The following RGS4 variants were observed in gnomAD, a reference collection of about 807,000 sequenced individuals.
RGS4 encodes schizophrenia disorder 9.
RGS4 carries 15 observed loss-of-function variants against 21.6 expected under a neutral mutation model. The observed-to-expected ratio is 0.69, with a 90% CI of 0.46 to 1.07. The LOEUF (loss-of-function observed/expected upper bound fraction) is 1.07, where lower values mean the gene tolerates loss of function less well. Ranked by LOEUF, RGS4 falls within the 50% of genes least tolerant of loss-of-function variation. The pLI, the probability that RGS4 is intolerant of heterozygous loss-of-function variation, is 0.00. For synonymous variants in RGS4, 94 were observed against 85.5 expected (o/e 1.10, Z -0.55); for missense variants, 237 against 239.0 (o/e 0.99, Z 0.06).
At chr1:163,069,559 A>C in intron 1 of RGS4, 31 bp downstream of exon 1, 2 of 1,578,328 alleles carry the variant, frequency 1.3e-6, no homozygotes, top group South Asian at 2.2e-5. Flanking sequence ...TAACCATATT[A>C]AACTTTTGGC....
intron 1 of RGS4, 52 bp downstream of exon 1, chr1:163,069,580 C>A: frequency 1.4e-6 from 2 of 1,448,230 alleles, no homozygotes; most frequent in South Asian, 1.2e-5. Context: ...TAGACTTTCT[C>A]AGTTATTTAC....
At chr1:163,071,985 T>TGCAGCA in intron 1 of RGS4, 3 of 986,634 alleles carry the variant, frequency 3.0e-6, no homozygotes, top group Non-Finnish European at 3.6e-6. Flanking sequence ...GAAGGTGGCG[T>TGCAGCA]GCAGCAAGGA....
intron 1 of RGS4, 34 bp from the exon 2 acceptor site, chr1:163,072,361 T>C (rs1185274011): frequency 6.8e-7 from 1 of 1,464,126 alleles, no homozygotes; most frequent in Non-Finnish European, 9.5e-7. Context: ...AAGCTGGTTA[T>C]TACTATTTAT....
At chr1:163,073,996 G>A in intron 4 of RGS4, 1 of 389,302 alleles carries the variant, frequency 2.6e-6, no homozygotes, top group Non-Finnish European at 4.6e-6. Flanking sequence ...TCATAATCTT[G>A]ACAACCCCAA....
At chr1:163,070,474 AT>A (rs931650120) in intron 1 of RGS4, 6 of 152,136 alleles carry the variant, frequency 3.9e-5, no homozygotes, top group African/African-American at 1.2e-4. Context: ...AGAAAACATA[AT>A]TTTTTATGTA....
intron 1 of RGS4, 142 bp from the exon 2 acceptor site, chr1:163,072,253 G>C (rs1005002235): frequency 9.7e-5 from 85 of 877,952 alleles, no homozygotes; most frequent in African/African-American, 6.9e-5. Context: ...GTTTTCCTCA[G>C]AGGTCATGCC....
upstream of RGS4, chr1:163,069,280 A>T: frequency 6.4e-7 from 1 of 1,551,002 alleles, no homozygotes. Context: ...GAGACAGAGG[A>T]GCTGGTACTG....
At position 163,074,316 on chromosome 1, in the gene RGS4, C is replaced by G. The variant is rs889615079; in HGVS notation, c.379-5C>G. The G allele has an allele frequency of 6.2e-7, 1 of 1,613,644 alleles. No homozygotes were observed. The highest frequency in any genetic ancestry group is 2.2e-5 in the East Asian group (1 of 44,864). ...TCTAATGAAGCCTTGGCCTTTGCCC[C>G]TCAGGTGAACCTGGATTCTTGCACC... On this transcript the variant is annotated splice_region_variant and splice_polypyrimidine_tract_variant and intron_variant, in intron 4 of 4. Coordinates refer to ENST00000367909, the MANE Select transcript of RGS4 (RefSeq NM_005613.6).
chr1:163,074,405 A>C lies in RGS4; in HGVS notation c.463A>C (p.Lys155Gln), dbSNP rs765020745. 1.9e-6 allele frequency: 3 copies of C among 1,613,908 alleles called. No homozygotes were observed. The highest frequency in any genetic ancestry group is 1.7e-6 in the Non-Finnish European group (2 of 1,179,860). ...TITCFDEAQK[K>Q]IFNLMEKDSY... ...AACCTGCTTTGATGAGGCCCAGAAG[A>C]AGATTTTCAACCTGATGGAGAAGGA... The change falls in exon 5 of 5, where the codon AAG becomes CAG. Residue 155 changes from lysine to glutamine, a missense_variant. Transcript: ENST00000367909.
chr1:163,074,827 G>T lies in RGS4; in HGVS notation c.*267G>T. On this transcript the variant is annotated 3_prime_UTR_variant, in exon 5 of 5. Coordinates refer to ENST00000367909, the MANE Select transcript of RGS4 (RefSeq NM_005613.6). Reference sequence around the variant, plus strand: ...GGAGCAAATATCTAAATAATGGCCTGGTAGGTCTGGATTTTCAAAGATTGT... The same window carrying T: ...GGAGCAAATATCTAAATAATGGCCTTGTAGGTCTGGATTTTCAAAGATTGT... 1.6e-6 allele frequency: 1 copy of T among 606,578 alleles called. No individual in the cohort carries two copies. 37.6% of individuals were successfully genotyped at this position (606,578 alleles called of 1,614,324 possible).
At chr1:163,072,535 A>G (rs371163312) in intron 2 of RGS4, 36 bp downstream of exon 2, 26 of 1,396,070 alleles carry the variant, frequency 1.9e-5, no homozygotes, top group Non-Finnish European at 2.6e-5. Flanking sequence ...TGTACTTAGT[A>G]TTAACTATCT....
rs759019522 is a variant in RGS4 at position 163,074,647 on chromosome 1, G to A, written c.*87G>A. ...AAATATTGATCTGTATTAAGCTCCA[G>A]TGCTTTATCCACATTGTAGCCTAAT... On this transcript the variant is annotated 3_prime_UTR_variant, in exon 5 of 5. Coordinates refer to ENST00000367909, the MANE Select transcript of RGS4 (RefSeq NM_005613.6). The A allele has an allele frequency of 2.5e-6, 4 of 1,575,372 alleles. No homozygotes were observed. Among genetic ancestry groups the A allele is most frequent in the South Asian group, 2.2e-5 (2 of 90,302 alleles).
At chr1:163,069,229 CTT>C (rs1472613092), upstream of RGS4, 2 of 1,538,722 alleles carry the variant, frequency 1.3e-6, no homozygotes, top group Admixed American at 2.1e-5. Flanking sequence ...ATGCGTCAGT[CTT>C]TTCTTCCTCA....
chr1:163,071,855 G>GT (rs1553205232), intron 1 of RGS4: 2 of 1,816 alleles, frequency 1.1e-3, no homozygotes, highest in Non-Finnish European at 2.1e-3. Flanking sequence ...GGAACTGCTT[G>GT]CCCCCCCCCC....
rs1655456174 is a variant in RGS4 at position 163,075,171 on chromosome 1, T to C, written c.*611T>C. 6.2e-6 allele frequency: 1 copy of C among 162,430 alleles called. No individual in the cohort carries two copies. Among genetic ancestry groups the C allele is most frequent in the African/African-American group, 2.4e-5 (1 of 41,464 alleles). 10.1% of individuals were successfully genotyped at this position (162,430 alleles called of 1,614,324 possible). On this transcript the variant is annotated 3_prime_UTR_variant, in exon 5 of 5. Transcript: ENST00000367909. ...GGGAAAGACCCTAGGTGCTCATAAC[T>C]AGAGTATGTGTATGTACTTACATGG...
At chr1:163,070,753 C>T (rs1173306601) in intron 1 of RGS4, 1 of 152,138 alleles carries the variant, frequency 6.6e-6, no homozygotes, top group Non-Finnish European at 1.5e-5. Context: ...AAAGATAATA[C>T]TAGAGCTCTG....
chr1:163,072,894 G>T, intron 3 of RGS4, 28 bp downstream of exon 3: 1 of 1,591,510 alleles, frequency 6.3e-7, no homozygotes, highest in East Asian at 2.2e-5. Context: ...CTGGGATGAG[G>T]TACTCTGGAT....
At chr1:163,069,292 A>C, upstream of RGS4, 1 of 1,551,298 alleles carries the variant, frequency 6.4e-7, no homozygotes, top group Non-Finnish European at 8.7e-7. Flanking sequence ...CTGGTACTGC[A>C]GAGCGGTCGT....
chr1:163,069,595 T>G, intron 1 of RGS4, 67 bp downstream of exon 1: 1 of 1,311,576 alleles, frequency 7.6e-7, no homozygotes, highest in South Asian at 1.3e-5. Flanking sequence ...ATTTACATGT[T>G]GTACTTACTA....
Sources: allele counts gnomAD v4.1 joint callset, GRCh38; gene constraint gnomAD v4.1.1; transcripts MANE v1.5; gene names NCBI Gene and HGNC (gene_info 2026-07-23, HGNC 2026-07-21).